Variants in SEMA6D observed in about 807,000 individuals in gnomAD.
The protein encoded by SEMA6D is semaphorin-6D.
Under a neutral mutation model 106.6 loss-of-function variants are expected in SEMA6D, and 35 were observed. The observed-to-expected ratio is 0.33, with a 90% confidence interval of 0.25 to 0.44. The LOEUF is 0.44. SEMA6D is among the 20% of genes least tolerant of loss of function. The pLI, the probability that SEMA6D is intolerant of heterozygous loss-of-function variation, is 1.00. For synonymous variants in SEMA6D, 499 were observed against 487.7 expected (o/e 1.02, Z -0.31); for missense variants, 1,185 against 1,345.9 (o/e 0.88, Z 1.87).
At chr15:47,623,702 T>C (rs554336042) in intron 4 of SEMA6D, among the ~76,000 whole-genome samples, 25 of 152,094 alleles carry the variant, frequency 1.6e-4, no homozygotes, top group Non-Finnish European at 2.5e-4. Context: ...TTTCATGTAC[T>C]CAATAAAATA....
At chr15:47,388,673 T>A (rs1450826697) in intron 1 of SEMA6D, among the ~76,000 whole-genome samples, 2 of 152,202 alleles carry the variant, frequency 1.3e-5, no homozygotes, top group Admixed American at 6.5e-5. Context: ...ACTCCTGTAC[T>A]TATTTATATC....
intron 2 of SEMA6D, among the ~76,000 whole-genome samples, chr15:47,437,058 A>G (rs1378854851): frequency 1.6e-5 from 2 of 122,922 alleles, no homozygotes; most frequent in African/African-American, 3.0e-5. Flanking sequence ...AGGGGATGGG[A>G]AGGGGAGGGG....
intron 1 of SEMA6D, among the ~76,000 whole-genome samples, chr15:47,315,091 C>T (rs2036610417): frequency 6.6e-6 from 1 of 151,790 alleles, no homozygotes; most frequent in Non-Finnish European, 1.5e-5. Context: ...TGGTCTCGAT[C>T]TCCTGACCTC....
intron 1 of SEMA6D, among the ~76,000 whole-genome samples, chr15:47,331,402 C>G (rs1254714824): frequency 6.6e-6 from 1 of 152,058 alleles, no homozygotes; most frequent in Non-Finnish European, 1.5e-5. Context: ...AAATTATGAA[C>G]AGCTTACTTA....
chr15:47,193,675 A>G (rs961064333), intron 1 of SEMA6D, among the ~76,000 whole-genome samples: 3 of 152,072 alleles, frequency 2.0e-5, no homozygotes, highest in Non-Finnish European at 4.4e-5. Flanking sequence ...AAACAAAACA[A>G]AAAAACTCTT....
chr15:47,639,338 G>A (rs1270658503), intron 4 of SEMA6D, among the ~76,000 whole-genome samples: 1 of 152,150 alleles, frequency 6.6e-6, no homozygotes, highest in Non-Finnish European at 1.5e-5. Context: ...ACAAAATAAA[G>A]TAGTATTGAG....
At chr15:47,430,701 A>T (rs2041494251) in intron 2 of SEMA6D, among the ~76,000 whole-genome samples, 1 of 151,836 alleles carries the variant, frequency 6.6e-6, no homozygotes, top group South Asian at 2.1e-4. Context: ...CCCCATTTCT[A>T]CTCCATTCCC....
chr15:47,340,940 A>G (rs1375353174), intron 1 of SEMA6D, among the ~76,000 whole-genome samples: 3 of 152,228 alleles, frequency 2.0e-5, no homozygotes, highest in African/African-American at 4.8e-5. Flanking sequence ...TTCCAAAACT[A>G]TCTAGAATAA....
intron 3 of SEMA6D, among the ~76,000 whole-genome samples, chr15:47,485,900 A>G (rs1439658171): frequency 6.6e-6 from 1 of 152,220 alleles, no homozygotes; most frequent in African/African-American, 2.4e-5. Context: ...AGAGCTAATA[A>G]CATTGCTTAT....
At chr15:47,272,752 T>A (rs1595598399) in intron 1 of SEMA6D, 1 of 152,390 alleles carries the variant, frequency 6.6e-6, no homozygotes, top group East Asian at 1.9e-4. Flanking sequence ...AGGACGAACA[T>A]CCCCAATAGA....
chr15:47,362,817 C>T (rs1286587312), intron 1 of SEMA6D, among the ~76,000 whole-genome samples: 2 of 152,114 alleles, frequency 1.3e-5, no homozygotes, highest in Non-Finnish European at 2.9e-5. Flanking sequence ...GAAGGACTGG[C>T]AGATTGAGAG....
chr15:47,479,162 G>T (rs973769921), intron 3 of SEMA6D, among the ~76,000 whole-genome samples: 2 of 152,050 alleles, frequency 1.3e-5, no homozygotes, highest in African/African-American at 4.8e-5. Flanking sequence ...GCTTGGTCTT[G>T]GTCAACAGTT....
chr15:47,218,163 C>A (rs888561392), intron 1 of SEMA6D, among the ~76,000 whole-genome samples: 2 of 152,058 alleles, frequency 1.3e-5, no homozygotes, highest in African/African-American at 2.4e-5. Context: ...GAAGGAAATG[C>A]CTGTTTCAGA....
At chr15:47,665,968 G>A (rs946077774) in intron 4 of SEMA6D, among the ~76,000 whole-genome samples, 4 of 152,168 alleles carry the variant, frequency 2.6e-5, no homozygotes, top group Non-Finnish European at 4.4e-5. Context: ...GAATAAACTC[G>A]GAGTTCCAGG....
chr15:47,414,845 A>G (rs950527760), intron 2 of SEMA6D, among the ~76,000 whole-genome samples: 22 of 152,158 alleles, frequency 1.4e-4, no homozygotes, highest in Non-Finnish European at 2.6e-4. Flanking sequence ...ATGTACCTCA[A>G]TCTTAATCCT....
chr15:47,322,023 A>C (rs2036942152), intron 1 of SEMA6D, among the ~76,000 whole-genome samples: 1 of 152,182 alleles, frequency 6.6e-6, no homozygotes, highest in African/African-American at 2.4e-5. Flanking sequence ...ATAAAATAGA[A>C]AACTGTATTT....
chr15:47,307,980 G>A (rs1178818218), intron 1 of SEMA6D, among the ~76,000 whole-genome samples: 3 of 150,690 alleles, frequency 2.0e-5, no homozygotes, highest in Non-Finnish European at 4.4e-5. Context: ...GAGAAATTCT[G>A]GTGATTTTTT....
intron 4 of SEMA6D, among the ~76,000 whole-genome samples, chr15:47,703,244 C>A (rs1187101117): frequency 1.3e-5 from 2 of 152,138 alleles, no homozygotes; most frequent in African/African-American, 4.8e-5. Context: ...AATTTTAGAT[C>A]ACTGCAATAT....
intron 1 of SEMA6D, among the ~76,000 whole-genome samples, chr15:47,265,925 T>C (rs2034295796): frequency 1.3e-5 from 2 of 152,136 alleles, no homozygotes; most frequent in African/African-American, 4.8e-5. Context: ...TTATCAGGCC[T>C]CTCTGTCGCT....
Sources: allele counts gnomAD v4.1 joint callset (sites outside exome capture counted in the v4.1 genomes callset), GRCh38; gene constraint gnomAD v4.1.1; transcripts MANE v1.5; gene names NCBI Gene and HGNC (gene_info 2026-07-23, HGNC 2026-07-21).